Variants in STPG2 observed in about 807,000 individuals in gnomAD.
STPG2 encodes sperm-tail PG-rich repeat-containing protein 2.
In STPG2, 56 loss-of-function variants were observed where a neutral mutation model predicts 54.2. That is an observed-to-expected ratio of 1.03 (90% CI 0.83 to 1.29). The LOEUF is 1.29. Ranked by LOEUF, STPG2 falls within the 50% of genes most tolerant of loss-of-function variation. The pLI is 0.00. For synonymous variants in STPG2, 200 were observed against 181.8 expected (o/e 1.10, Z -0.81); for missense variants, 596 against 544.9 (o/e 1.09, Z -0.93).
At chr4:98,087,755 T>C (rs537939348) in intron 5 of STPG2, among the ~76,000 whole-genome samples, 1 of 151,986 alleles carries the variant, frequency 6.6e-6, no homozygotes, top group Admixed American at 6.6e-5. Flanking sequence ...AGAGACGGGG[T>C]TTCACCGTGT....
chr4:97,711,062 A>C lies in STPG2; in HGVS notation c.1320+1637T>G, dbSNP rs1048439934. Among the ~76,000 whole-genome samples the C allele has an allele frequency of 2.0e-5, 3 of 151,948 alleles. No homozygotes were observed. In the East Asian group the frequency reaches 5.8e-4, roughly 29 times the overall value. The stretch of plus-strand genomic sequence containing the variant: ...AAATCTTAAGAAAGAAAAAGCAAGA[A>C]TATCTTAAATACTAGAAAGACTAGT... On this transcript the variant is annotated intron_variant, in intron 10 of 10. Coordinates refer to ENST00000295268, the MANE Select transcript of STPG2 (RefSeq NM_174952.3).
chr4:97,898,355 C>T (rs1731041616), intron 8 of STPG2, among the ~76,000 whole-genome samples: 1 of 148,732 alleles, frequency 6.7e-6, no homozygotes, highest in African/African-American at 2.5e-5. Context: ...ATCTTAATTA[C>T]CAATAAGTTG....
At chr4:98,098,954 A>T (rs1722321189) in intron 5 of STPG2, among the ~76,000 whole-genome samples, 1 of 152,098 alleles carries the variant, frequency 6.6e-6, no homozygotes, top group Non-Finnish European at 1.5e-5. Flanking sequence ...GCCTTTTCTA[A>T]AAGTCAAATG....
At chr4:97,832,360 G>A (rs141648939) in intron 9 of STPG2, among the ~76,000 whole-genome samples, 13 of 152,220 alleles carry the variant, frequency 8.5e-5, no homozygotes, top group African/African-American at 2.6e-4. Context: ...TTGATGGAAC[G>A]CATCTCAAAA....
intron 10 of STPG2, among the ~76,000 whole-genome samples, chr4:97,623,920 A>G (rs1480074558): frequency 6.6e-6 from 1 of 152,158 alleles, no homozygotes; most frequent in East Asian, 1.9e-4. Flanking sequence ...TAGTTTGCTG[A>G]GGATAATGGC....
At chr4:97,787,614 T>G (rs1726866464) in intron 9 of STPG2, among the ~76,000 whole-genome samples, 1 of 152,044 alleles carries the variant, frequency 6.6e-6, no homozygotes, top group Non-Finnish European at 1.5e-5. Context: ...GGCTTTATTA[T>G]TCAGGAAATG....
At chr4:97,929,826 G>GCCC (rs1732475554) in intron 8 of STPG2, among the ~76,000 whole-genome samples, 1 of 152,152 alleles carries the variant, frequency 6.6e-6, no homozygotes, top group Non-Finnish European at 1.5e-5. Flanking sequence ...TCTGTAGGCT[G>GCCC]TCTGCTCACT....
chr4:97,987,209 T>C lies in STPG2; in HGVS notation c.613-5891A>G, dbSNP rs72894849. On this transcript the variant is annotated intron_variant, in intron 5 of 10. Transcript: ENST00000295268. The stretch of plus-strand genomic sequence containing the variant: ...GCAGCCCTTGAACCTGAAAACACAC[T>C]ACCTGAAACTTTGCTGCCCTCTACT... Among the ~76,000 whole-genome samples, 534 of 152,238 alleles carry C rather than the reference T, an allele frequency of 3.5e-3. 4 individuals carry two copies. The highest frequency in any genetic ancestry group is 0.012 in the African/African-American group (513 of 41,546).
At chr4:97,517,901 A>C (rs2148845276) in intron 4 of STPG2, among the ~76,000 whole-genome samples, 1 of 150,216 alleles carries the variant, frequency 6.7e-6, no homozygotes, top group South Asian at 2.1e-4. Context: ...TACTTTAACA[A>C]AAAGAATATC....
At chr4:97,952,543 C>T (rs1733512300) in intron 7 of STPG2, among the ~76,000 whole-genome samples, 1 of 152,136 alleles carries the variant, frequency 6.6e-6, no homozygotes, top group Non-Finnish European at 1.5e-5. Flanking sequence ...GCTGCTGTTC[C>T]TCTGGGTCTA....
chr4:97,686,461 G>C (rs1277302942), intron 10 of STPG2, among the ~76,000 whole-genome samples: 1 of 152,046 alleles, frequency 6.6e-6, no homozygotes, highest in Non-Finnish European at 1.5e-5. Flanking sequence ...CTTTCAGTTT[G>C]TTTTTGCTTC....
In STPG2 at chr4:97,852,277, G is replaced by A. The variant is rs1046526087; in HGVS notation, c.1045-11345C>T. On this transcript the variant is annotated intron_variant, in intron 8 of 10. Transcript: ENST00000295268. ...TTTTTAAAATCAAATGAATCTTAAC[G>A]TCATCTACTTTGGTTCAGTATGGCA... Among the ~76,000 whole-genome samples the A allele has an allele frequency of 6.6e-5, 10 of 152,090 alleles. 1 individual carries two copies. The highest frequency in any genetic ancestry group is 3.3e-4 in the Admixed American group (5 of 15,258).
intron 8 of STPG2, among the ~76,000 whole-genome samples, chr4:97,912,275 A>G (rs1731709953): frequency 6.6e-6 from 1 of 152,210 alleles, no homozygotes; most frequent in Non-Finnish European, 1.5e-5. Context: ...TCAAATGATC[A>G]CAATGCCTCT....
chr4:97,541,180 G>T (rs1300652503), intron 4 of STPG2, among the ~76,000 whole-genome samples: 2 of 152,070 alleles, frequency 1.3e-5, no homozygotes, highest in Non-Finnish European at 2.9e-5. Context: ...AAGTCAAATT[G>T]TCCCTGTTTG....
chr4:97,644,067 T>C (rs1344929979), intron 10 of STPG2, among the ~76,000 whole-genome samples: 2 of 151,948 alleles, frequency 1.3e-5, no homozygotes, highest in African/African-American at 4.8e-5. Context: ...GTCCAGTGAC[T>C]TAAGAGAATG....
chr4:97,966,457 A>G (rs1207457721), intron 7 of STPG2, among the ~76,000 whole-genome samples: 1 of 152,252 alleles, frequency 6.6e-6, no homozygotes, highest in African/African-American at 2.4e-5. Context: ...TCTTCACAAT[A>G]TTATCCAGGA....
chr4:97,527,485 G>C (rs1369874723), intron 4 of STPG2, among the ~76,000 whole-genome samples: 1 of 151,882 alleles, frequency 6.6e-6, no homozygotes, highest in Non-Finnish European at 1.5e-5. Flanking sequence ...CTTCATAGTA[G>C]AATGATATAT....
chr4:97,920,397 G>C (rs1732053388), intron 8 of STPG2, among the ~76,000 whole-genome samples: 2 of 152,224 alleles, frequency 1.3e-5, no homozygotes, highest in South Asian at 4.1e-4. Context: ...TAAAAGTTGA[G>C]ACTGCCAACT....
intron 2 of STPG2, among the ~76,000 whole-genome samples, chr4:98,132,551 T>C (rs1740026337): frequency 6.6e-6 from 1 of 151,986 alleles, no homozygotes; most frequent in Admixed American, 6.6e-5. Context: ...TGAAATAAAC[T>C]TCTTAAAACG....
Sources: gnomAD v4.1 joint callset for allele counts (sites outside exome capture counted in the v4.1 genomes callset) on GRCh38, gnomAD v4.1.1 for gene constraint, MANE v1.5 for transcripts, NCBI Gene and HGNC (gene_info 2026-07-23, HGNC 2026-07-21) for gene names.